The following FHIT variants were observed in gnomAD, a reference collection of about 807,000 sequenced individuals.
The protein encoded by FHIT is bis(5'-adenosyl)-triphosphatase.
FHIT carries 19 observed loss-of-function variants against 17.9 expected under a neutral mutation model. The ratio of observed to expected loss-of-function variants is 1.06; its 90% CI spans 0.74 to 1.56. The LOEUF is 1.56. FHIT is among the 40% of genes most tolerant of loss of function. The probability of loss-of-function intolerance (pLI) is 0.00; values close to 1 mark genes in which losing one functional copy is unlikely to be tolerated. For synonymous variants in FHIT, 81 were observed against 69.7 expected, an observed-to-expected ratio of 1.16 and a Z score of -0.81; for missense variants, 248 against 189.2, an observed-to-expected ratio of 1.31 and a Z score of -1.82.
chr3:60,109,892 T>C (rs561105819), intron 5 of FHIT, among the ~76,000 whole-genome samples: 1 of 152,164 alleles, frequency 6.6e-6, no homozygotes, highest in Non-Finnish European at 1.5e-5. Flanking sequence ...CTTCCCCAAA[T>C]CACTTTTCTT....
At chr3:60,048,987 G>C (rs1305015713) in intron 5 of FHIT, among the ~76,000 whole-genome samples, 2 of 152,118 alleles carry the variant, frequency 1.3e-5, no homozygotes, top group Non-Finnish European at 2.9e-5. Context: ...AGTTGGGCAA[G>C]CTCCTTAACC....
intron 5 of FHIT, among the ~76,000 whole-genome samples, chr3:60,460,117 A>T (rs2032365054): frequency 6.6e-6 from 1 of 151,772 alleles, no homozygotes; most frequent in South Asian, 2.1e-4. Flanking sequence ...CATATCAAAA[A>T]ATCTGAAATT....
chr3:60,688,877 T>G (rs2040921770), intron 4 of FHIT, among the ~76,000 whole-genome samples: 1 of 152,234 alleles, frequency 6.6e-6, no homozygotes, highest in Admixed American at 6.5e-5. Context: ...TTTTATATAC[T>G]ATTGGCCCTC....
chr3:61,055,021 A>T (rs2034168384), intron 2 of FHIT, among the ~76,000 whole-genome samples: 1 of 152,128 alleles, frequency 6.6e-6, no homozygotes, highest in African/African-American at 2.4e-5. Flanking sequence ...AGGGCACATT[A>T]CACGTGCATT....
intron 8 of FHIT, among the ~76,000 whole-genome samples, chr3:59,889,393 C>G (rs1023965206): frequency 5.9e-5 from 9 of 152,348 alleles, no homozygotes; most frequent in African/African-American, 2.2e-4. Context: ...TCATGAATCT[C>G]TAATCATAAT....
chr3:61,129,893 A>G (rs2036715592), intron 2 of FHIT, among the ~76,000 whole-genome samples: 1 of 152,180 alleles, frequency 6.6e-6, no homozygotes, highest in South Asian at 2.1e-4. Context: ...TTCAAAAGAA[A>G]TTTATATCTT....
chr3:59,857,214 G>A (rs1702194330), intron 8 of FHIT, among the ~76,000 whole-genome samples: 1 of 152,162 alleles, frequency 6.6e-6, no homozygotes, highest in Admixed American at 6.5e-5. Flanking sequence ...AGATTAAATT[G>A]CAGCATTTCT....
At chr3:60,130,515 T>A (rs968362675) in intron 5 of FHIT, among the ~76,000 whole-genome samples, 1 of 152,134 alleles carries the variant, frequency 6.6e-6, no homozygotes, top group African/African-American at 2.4e-5. Context: ...TCAGACGGCA[T>A]GACTCTCAGG....
At chr3:61,215,376 C>G (rs1184896938) in intron 1 of FHIT, among the ~76,000 whole-genome samples, 1 of 152,140 alleles carries the variant, frequency 6.6e-6, no homozygotes, top group Non-Finnish European at 1.5e-5. Context: ...AACAGACAAA[C>G]AGAAAGCCTC....
At chr3:60,570,216 A>G (rs1440358046) in intron 4 of FHIT, among the ~76,000 whole-genome samples, 1 of 152,172 alleles carries the variant, frequency 6.6e-6, no homozygotes, top group Non-Finnish European at 1.5e-5. Context: ...GAAATAAAGA[A>G]AGAGGAGATG....
At chr3:59,944,999 T>C (rs761201929) in intron 7 of FHIT, among the ~76,000 whole-genome samples, 5 of 152,194 alleles carry the variant, frequency 3.3e-5, no homozygotes, top group Non-Finnish European at 7.4e-5. Context: ...TCTATGTATG[T>C]GTCTTTATGG....
chr3:59,942,944 T>C (rs1440505387), intron 7 of FHIT, among the ~76,000 whole-genome samples: 1 of 152,170 alleles, frequency 6.6e-6, no homozygotes, highest in Non-Finnish European at 1.5e-5. Context: ...CCACTGTGCC[T>C]GGCTTCCTAG....
chr3:60,013,237 T>A (rs920668468), intron 6 of FHIT, among the ~76,000 whole-genome samples: 1 of 152,192 alleles, frequency 6.6e-6, no homozygotes, highest in South Asian at 2.1e-4. Flanking sequence ...ATGGCAAACA[T>A]TCAGTTTAAC....
chr3:60,709,234 C>T (rs1038321241), intron 4 of FHIT, among the ~76,000 whole-genome samples: 4 of 151,978 alleles, frequency 2.6e-5, no homozygotes, highest in South Asian at 2.1e-4. Context: ...CATATTTTCC[C>T]GAAAAAAGAG....
intron 7 of FHIT, among the ~76,000 whole-genome samples, chr3:59,977,106 G>C (rs947088859): frequency 2.6e-5 from 4 of 152,100 alleles, no homozygotes; most frequent in African/African-American, 4.8e-5. Context: ...TGATCAGAGA[G>C]GGCCCGGGAA....
chr3:61,249,851 G>C (rs1332741112), intron 1 of FHIT, among the ~76,000 whole-genome samples: 2 of 151,270 alleles, frequency 1.3e-5, no homozygotes, highest in Admixed American at 6.6e-5. Flanking sequence ...TAGTGGTTTT[G>C]GAAGCATGTA....
At chr3:60,242,708 G>A (rs1002061284) in intron 5 of FHIT, among the ~76,000 whole-genome samples, 1 of 151,988 alleles carries the variant, frequency 6.6e-6, no homozygotes, top group African/African-American at 2.4e-5. Context: ...ATTTCAAGTT[G>A]ACTGCTTTTG....
At chr3:59,877,583 A>G (rs575360101) in intron 8 of FHIT, among the ~76,000 whole-genome samples, 1 of 152,340 alleles carries the variant, frequency 6.6e-6, no homozygotes, top group Non-Finnish European at 1.5e-5. Flanking sequence ...AGAGGAGGTC[A>G]TTTAAGACAT....
intron 5 of FHIT, among the ~76,000 whole-genome samples, chr3:60,029,907 G>GTGTGTGTC (rs1553655786): frequency 7.5e-6 from 1 of 132,544 alleles, no homozygotes; most frequent in African/African-American, 3.2e-5. Context: ...CTGTGTGTGT[G>GTGTGTGTC]TGTGTGTGTG....
Sources: allele counts gnomAD v4.1 joint callset (sites outside exome capture counted in the v4.1 genomes callset), GRCh38; gene constraint gnomAD v4.1.1; transcripts MANE v1.5; gene names NCBI Gene and HGNC (gene_info 2026-07-23, HGNC 2026-07-21).